The following CFAP61 variants were observed in gnomAD, a reference collection of about 807,000 sequenced individuals.
CFAP61 encodes the protein cilia and flagella associated protein 61, also known as cilia- and flagella-associated protein 61.
A neutral mutation model predicts 135.6 loss-of-function variants in CFAP61; 107 were observed. The ratio of observed to expected loss-of-function variants is 0.79; its 90% CI spans 0.67 to 0.93. CFAP61 has a LOEUF of 0.93. Ranked by LOEUF, CFAP61 falls within the 40% of genes least tolerant of loss-of-function variation. The probability of loss-of-function intolerance (pLI) is 0.00; values close to 1 mark genes in which losing one functional copy is unlikely to be tolerated. For missense variants in CFAP61, 1,507 were observed against 1,556.2 expected (o/e 0.97, Z 0.53); for synonymous variants, 575 against 578.5 (o/e 0.99, Z 0.09).
chr20:20,077,581 C>T (rs1217957503), intron 6 of CFAP61, among the ~76,000 whole-genome samples: 4 of 152,164 alleles, frequency 2.6e-5, no homozygotes, highest in Non-Finnish European at 4.4e-5. Context: ...AGAACATGTG[C>T]CTGAAGTGGT....
Position 20,342,282 on chromosome 20 carries a change from C to T in CFAP61, c.3513+361C>T, listed in dbSNP as rs536086640. ...CTGTGTTTGCCAGCCATTTGCGGAA[C>T]ATATGTGTGTGTGTGTTCTTTTAAA... On this transcript the variant is annotated intron_variant, in intron 26 of 26. Transcript: ENST00000245957. Among the ~76,000 whole-genome samples the T allele has an allele frequency of 1.4e-4, 22 of 152,286 alleles. No individual in the cohort carries two copies. The South Asian group carries it at 4.6e-3, about 32-fold the overall frequency.
Position 20,223,060 on chromosome 20 carries a change from T to C in CFAP61, c.1933-5189T>C, listed in dbSNP as rs117849504. On this transcript the variant is annotated intron_variant, in intron 17 of 26. Transcript: ENST00000245957. Reference sequence around the variant, plus strand: ...TGGAAGCTTTCTGTAAGAAAAGATATATATACACATGGGTGTGAGCTGAAA... The same window carrying C: ...TGGAAGCTTTCTGTAAGAAAAGATACATATACACATGGGTGTGAGCTGAAA... Among the ~76,000 whole-genome samples the C allele has an allele frequency of 1.1e-3, 166 of 152,350 alleles. 5 individuals carry two copies. In the East Asian group the frequency reaches 0.029, roughly 27 times the overall value.
intron 6 of CFAP61, among the ~76,000 whole-genome samples, chr20:20,083,484 A>G (rs1333093718): frequency 6.6e-6 from 1 of 152,214 alleles, no homozygotes; most frequent in Non-Finnish European, 1.5e-5. Flanking sequence ...TATTCCCAAA[A>G]CTATTGAAAT....
At chr20:20,244,817 T>G (rs979093482) in intron 18 of CFAP61, among the ~76,000 whole-genome samples, 1 of 152,224 alleles carries the variant, frequency 6.6e-6, no homozygotes, top group African/African-American at 2.4e-5. Flanking sequence ...CTTATAAAAC[T>G]GAATGCCTTT....
intron 18 of CFAP61, among the ~76,000 whole-genome samples, chr20:20,244,802 C>T (rs1345664744): frequency 6.6e-6 from 1 of 152,220 alleles, no homozygotes; most frequent in Admixed American, 6.5e-5. Context: ...TTATGCTCTG[C>T]TTCCCTTATA....
At chr20:20,223,763 T>C (rs565315258) in intron 17 of CFAP61, among the ~76,000 whole-genome samples, 1 of 152,314 alleles carries the variant, frequency 6.6e-6, no homozygotes, top group South Asian at 2.1e-4. Context: ...CAAATGTGCC[T>C]AAAACTCAAA....
intron 1 of CFAP61, among the ~76,000 whole-genome samples, chr20:20,054,526 A>G (rs1477928609): frequency 1.3e-5 from 2 of 152,234 alleles, no homozygotes; most frequent in Non-Finnish European, 1.5e-5. Flanking sequence ...AATTATACAT[A>G]AGTCAACTTT....
At chr20:20,159,235 C>G (rs1158823571) in intron 9 of CFAP61, 135 bp from the exon 10 acceptor site, 1 of 700,654 alleles carries the variant, frequency 1.4e-6, no homozygotes, top group African/African-American at 1.8e-5. Context: ...ACTGAGGTTA[C>G]ATAATTTTCC....
chr20:20,209,358 CT>C (rs746611788), intron 17 of CFAP61, among the ~76,000 whole-genome samples: 5 of 152,134 alleles, frequency 3.3e-5, no homozygotes, highest in Non-Finnish European at 7.4e-5. Flanking sequence ...AATGGTATTG[CT>C]CAGTCAAAGG....
At chr20:20,088,380 T>C (rs956695019) in intron 6 of CFAP61, among the ~76,000 whole-genome samples, 1 of 152,150 alleles carries the variant, frequency 6.6e-6, no homozygotes, top group African/African-American at 2.4e-5. Flanking sequence ...TCTGCAGCGC[T>C]GGGGAGGCAT....
At chr20:20,171,761 G>T (rs372302039) in intron 13 of CFAP61, 2 of 697,110 alleles carry the variant, frequency 2.9e-6, no homozygotes, top group African/African-American at 1.8e-5. Context: ...AATCCTTTGT[G>T]TTTTATTTAA....
chr20:20,300,597 TG>T (rs1338424658), intron 25 of CFAP61, among the ~76,000 whole-genome samples: 2 of 151,938 alleles, frequency 1.3e-5, no homozygotes, highest in Non-Finnish European at 2.9e-5. Flanking sequence ...GGGGTTCTTT[TG>T]TTTTTTTTGT....
intron 26 of CFAP61, among the ~76,000 whole-genome samples, chr20:20,355,180 G>A (rs1165064099): frequency 7.5e-6 from 1 of 132,718 alleles, no homozygotes; most frequent in African/African-American, 3.0e-5. Context: ...GAGGGGAGAA[G>A]GTCACACTAA....
At chr20:20,240,316 G>A (rs2049925852) in intron 18 of CFAP61, among the ~76,000 whole-genome samples, 1 of 152,112 alleles carries the variant, frequency 6.6e-6, no homozygotes, top group South Asian at 2.1e-4. Context: ...CAAAGGAGGA[G>A]GAGCTGGTAA....
At chr20:20,360,099 T>A (rs2122513502) in intron 26 of CFAP61, 111 bp from the exon 27 acceptor site, 2 of 776,688 alleles carry the variant, frequency 2.6e-6, no homozygotes, top group Middle Eastern at 3.2e-4. Context: ...AGAAAAAAAA[T>A]GACCATCCTT....
chr20:20,155,456 G>T (rs1161564951), intron 9 of CFAP61, among the ~76,000 whole-genome samples: 1 of 152,198 alleles, frequency 6.6e-6, no homozygotes, highest in Non-Finnish European at 1.5e-5. Context: ...CACAGCAGAA[G>T]AAATAACCAG....
At chr20:20,287,243 C>T (rs2054651594) in intron 22 of CFAP61, among the ~76,000 whole-genome samples, 1 of 152,082 alleles carries the variant, frequency 6.6e-6, no homozygotes, top group South Asian at 2.1e-4. Flanking sequence ...TGGGATTAGA[C>T]AACTAGGTGA....
At chr20:20,340,138 C>A (rs6137001) in intron 25 of CFAP61, among the ~76,000 whole-genome samples, 16,531 of 152,256 alleles carry the variant, frequency 0.11, 1,220 homozygotes, top group East Asian at 0.29. Flanking sequence ...ATCATGGGCA[C>A]CTGGAGTGCA....
intron 25 of CFAP61, among the ~76,000 whole-genome samples, chr20:20,306,753 G>C (rs182737351): frequency 2.0e-5 from 3 of 152,232 alleles, no homozygotes; most frequent in African/African-American, 7.2e-5. Context: ...AGAGGAAGGC[G>C]CTGGCATTCT....
Sources: allele counts gnomAD v4.1 joint callset (sites outside exome capture counted in the v4.1 genomes callset), GRCh38; gene constraint gnomAD v4.1.1; transcripts MANE v1.5; gene names NCBI Gene and HGNC (gene_info 2026-07-23, HGNC 2026-07-21).